The following FTCDNL1 variants were observed in gnomAD, a reference collection of about 807,000 sequenced individuals.
The protein encoded by FTCDNL1 is formiminotransferase N-terminal subdomain-containing protein.
In FTCDNL1, 11 loss-of-function variants were observed where a neutral mutation model predicts 5.9. The ratio of observed to expected loss-of-function variants is 1.87; its 90% confidence interval spans 1.18 to 3.10. The LOEUF (loss-of-function observed/expected upper bound fraction) is 3.10. Ranked by LOEUF, FTCDNL1 falls within the 30% of genes most tolerant of loss-of-function variation. The probability of loss-of-function intolerance (pLI) is 0.00; values close to 1 mark genes in which losing one functional copy is unlikely to be tolerated. For synonymous variants in FTCDNL1, 58 were observed against 24.8 expected (o/e 2.34, Z -3.99); for missense variants, 115 against 65.5 (o/e 1.76, Z -2.61).
At position 199,819,770 on chromosome 2, in the gene FTCDNL1, G is replaced by T; in HGVS notation, c.212-13C>A. Reference sequence around the variant, plus strand: ...TCCTCAGCAAGGCCTGTGGCAGAGGGAATTTTAACCAAAGAAAATCACAAT... The same window carrying T: ...TCCTCAGCAAGGCCTGTGGCAGAGGTAATTTTAACCAAAGAAAATCACAAT... On this transcript the variant is annotated splice_polypyrimidine_tract_variant and intron_variant, in intron 3 of 4. Transcript: ENST00000420128. The T allele has an allele frequency of 1.5e-6, 1 of 679,674 alleles. No homozygotes were observed. Among genetic ancestry groups the T allele is most frequent in the Non-Finnish European group, 2.7e-6 (1 of 373,232 alleles). The allele number at this position is 679,674 out of a possible 1,614,324, so 42.1% of individuals were successfully genotyped here.
At chr2:199,833,970 T>C (rs953163596) in intron 3 of FTCDNL1, among the ~76,000 whole-genome samples, 7 of 152,346 alleles carry the variant, frequency 4.6e-5, no homozygotes, top group East Asian at 1.9e-4. Flanking sequence ...TCTGCTCATC[T>C]TGCTGTCTGT....
Position 199,851,132 on chromosome 2 carries a change from T to TGGCCCGCGCGC in FTCDNL1, c.-411_-401dup, listed in dbSNP as rs1185662731. 2.2e-5 allele frequency: 3 copies of TGGCCCGCGCGC among 137,382 alleles called. No homozygotes were observed. Among genetic ancestry groups the TGGCCCGCGCGC allele is most frequent in the East Asian group, 4.0e-4 (2 of 4,980 alleles). The allele number at this position is 137,382 out of a possible 1,614,324, so 8.5% of individuals were successfully genotyped here. A position where few individuals can be genotyped will look rare whatever the true frequency, so the allele number is the denominator to read the frequency against. ...GCCCAGCCCAAGTCGCCGCCGCGCG[T>TGGCCCGCGCGC]GGCCCGCGCGCAGCCTCCGCCGCCG... On this transcript the variant is annotated 5_prime_UTR_variant, in exon 1 of 5. Coordinates refer to ENST00000420128, the MANE Select transcript of FTCDNL1 (RefSeq NM_001363886.2).
intron 4 of FTCDNL1, among the ~76,000 whole-genome samples, chr2:199,816,494 G>T (rs763586188): frequency 2.6e-5 from 4 of 152,114 alleles, no homozygotes; most frequent in Non-Finnish European, 4.4e-5. Flanking sequence ...TCACAGGGTT[G>T]ATTTAGAGAT....
rs983506359 is a variant in FTCDNL1 at position 199,809,761 on chromosome 2, T to C, written c.*2944A>G. Among the ~76,000 whole-genome samples, 3 of 152,206 alleles carry C rather than the reference T, an allele frequency of 2.0e-5. No individual in the cohort carries two copies. The highest frequency in any genetic ancestry group is 1.3e-4 in the Admixed American group (2 of 15,284). Reference sequence around the variant, plus strand: ...CAACACCATCATGCCATCTCCCCAATATAAACATTTCAAAATTCTATATCT... The same window carrying C: ...CAACACCATCATGCCATCTCCCCAACATAAACATTTCAAAATTCTATATCT... On this transcript the variant is annotated 3_prime_UTR_variant, in exon 5 of 5. Transcript: ENST00000420128.
chr2:199,663,909 T>A, the FTCDNL1 span, among the ~76,000 whole-genome samples: 3 of 152,118 alleles, frequency 2.0e-5, no homozygotes, highest in African/African-American at 7.2e-5. Context: ...TGTATCGATA[T>A]AAATTGATGC....
At chr2:199,665,358 A>G in the FTCDNL1 span, among the ~76,000 whole-genome samples, 1 of 152,154 alleles carries the variant, frequency 6.6e-6, no homozygotes, top group Non-Finnish European at 1.5e-5. Context: ...CAAGCCAGGC[A>G]TGGTGGCTCA....
At chr2:199,783,302 T>C (rs996589752) in intron 3 of FTCDNL1, among the ~76,000 whole-genome samples, 2 of 152,254 alleles carry the variant, frequency 1.3e-5, no homozygotes, top group African/African-American at 4.8e-5. Context: ...ATATCTACTT[T>C]AGTATGCCTA....
intron 3 of FTCDNL1, among the ~76,000 whole-genome samples, chr2:199,779,338 G>A (rs6717396): frequency 0.019 from 2,898 of 152,320 alleles, 83 homozygotes; most frequent in African/African-American, 0.065. Flanking sequence ...AATTGTGTAA[G>A]TGTCCTTGCC....
chr2:199,803,761 G>A (rs1700586589), intron 3 of FTCDNL1, among the ~76,000 whole-genome samples: 1 of 152,182 alleles, frequency 6.6e-6, no homozygotes, highest in African/African-American at 2.4e-5. Context: ...ACCATGCCCA[G>A]CCCAAGGGGT....
intron 3 of FTCDNL1, among the ~76,000 whole-genome samples, chr2:199,826,207 G>A (rs1702020029): frequency 6.6e-6 from 1 of 152,086 alleles, no homozygotes; most frequent in Non-Finnish European, 1.5e-5. Flanking sequence ...GTTCCTAAAG[G>A]GCAAAGCACT....
intron 4 of FTCDNL1, among the ~76,000 whole-genome samples, chr2:199,816,707 T>C (rs924466177): frequency 2.6e-5 from 4 of 152,318 alleles, no homozygotes; most frequent in Middle Eastern, 6.8e-3. Flanking sequence ...TTCAAGTCTT[T>C]GCTCTAATAT....
At chr2:199,777,631 A>T (rs551875758) in intron 3 of FTCDNL1, among the ~76,000 whole-genome samples, 1 of 152,202 alleles carries the variant, frequency 6.6e-6, no homozygotes, top group East Asian at 1.9e-4. Flanking sequence ...ATATCTGGAT[A>T]TTATGGCCAA....
chr2:199,765,556 A>ATATACATTTTTTTTTTTTTT, intron 3 of FTCDNL1, among the ~76,000 whole-genome samples: 1 of 42,656 alleles, frequency 2.3e-5, no homozygotes, highest in Non-Finnish European at 4.8e-5. Flanking sequence ...ATATATATAT[A>ATATACATTTTTTTTTTTTTT]TTTTTTTTTT....
At chr2:199,670,853 T>C in the FTCDNL1 span, among the ~76,000 whole-genome samples, 5 of 152,130 alleles carry the variant, frequency 3.3e-5, no homozygotes, top group African/African-American at 1.2e-4. Context: ...CCAGATACAG[T>C]ACACAAGAGG....
At chr2:199,687,319 T>C in the FTCDNL1 span, among the ~76,000 whole-genome samples, 1 of 152,334 alleles carries the variant, frequency 6.6e-6, no homozygotes, top group Admixed American at 6.5e-5. Flanking sequence ...CAGAATTTAA[T>C]GCACAGCTAA....
At chr2:199,678,370 G>A in the FTCDNL1 span, among the ~76,000 whole-genome samples, 2 of 152,112 alleles carry the variant, frequency 1.3e-5, no homozygotes, top group Non-Finnish European at 1.5e-5. Flanking sequence ...GTGGGCACAT[G>A]CCATAACCAT....
the FTCDNL1 span, among the ~76,000 whole-genome samples, chr2:199,735,135 A>AAAAAAT: frequency 6.9e-6 from 1 of 145,966 alleles, no homozygotes; most frequent in South Asian, 2.1e-4. Flanking sequence ...AAAAAAAAAA[A>AAAAAAT]CCACATTATT....
intron 3 of FTCDNL1, among the ~76,000 whole-genome samples, chr2:199,841,238 C>T (rs917657765): frequency 2.0e-5 from 3 of 151,444 alleles, no homozygotes; most frequent in African/African-American, 7.3e-5. Flanking sequence ...AAAATGAAAA[C>T]CAGCCAGATG....
chr2:199,677,119 G>T, the FTCDNL1 span, among the ~76,000 whole-genome samples: 1 of 152,250 alleles, frequency 6.6e-6, no homozygotes, highest in Admixed American at 6.5e-5. Flanking sequence ...ATTTCAATGT[G>T]CCATGTGTGT....
Sources: allele counts gnomAD v4.1 joint callset (sites outside exome capture counted in the v4.1 genomes callset), GRCh38; gene constraint gnomAD v4.1.1; transcripts MANE v1.5; gene names NCBI Gene and HGNC (gene_info 2026-07-23, HGNC 2026-07-21).